Variants in FGF5 observed in about 807,000 individuals in gnomAD.
The protein encoded by FGF5 is fibroblast growth factor 5.
In FGF5, 23 loss-of-function variants were observed where a neutral mutation model predicts 21.8. The observed-to-expected ratio is 1.05, with a 90% CI of 0.76 to 1.49. The LOEUF (loss-of-function observed/expected upper bound fraction) is 1.49. FGF5 is among the 40% of genes most tolerant of loss of function. The pLI is 0.00. For synonymous variants in FGF5, 158 were observed against 124.0 expected (o/e 1.27, Z -1.82); for missense variants, 352 against 332.9 (o/e 1.06, Z -0.45).
At position 80,288,401 on chromosome 4, in the gene FGF5, A is replaced by T. The variant is rs1450546470; in HGVS notation, c.*1729A>T. The T allele has an allele frequency of 1.3e-5, 2 of 152,090 alleles. No individual in the cohort carries two copies. The highest frequency in any genetic ancestry group is 4.8e-5 in the African/African-American group (2 of 41,440). 9.4% of individuals were successfully genotyped at this position (152,090 alleles called of 1,614,324 possible). On this transcript the variant is annotated 3_prime_UTR_variant, in exon 3 of 3. Coordinates refer to ENST00000312465, the MANE Select transcript of FGF5 (RefSeq NM_004464.4). The stretch of plus-strand genomic sequence containing the variant: ...ATACATCAGTATAGTGTTTTATTAT[A>T]AAGCCAATTATCTGATTAAGCATTC...
At chr4:80,273,282 C>T (rs1384408421) in intron 1 of FGF5, among the ~76,000 whole-genome samples, 1 of 151,802 alleles carries the variant, frequency 6.6e-6, no homozygotes, top group Non-Finnish European at 1.5e-5. Flanking sequence ...TGCAGTTTCC[C>T]TAAAGTGTGT....
chr4:80,270,921 C>G (rs1201882055), intron 1 of FGF5, among the ~76,000 whole-genome samples: 1 of 152,174 alleles, frequency 6.6e-6, no homozygotes, highest in Non-Finnish European at 1.5e-5. Flanking sequence ...AAATCAGAAT[C>G]TATATCTACT....
intron 1 of FGF5, among the ~76,000 whole-genome samples, chr4:80,267,628 C>T (rs1251614799): frequency 6.6e-6 from 1 of 152,142 alleles, no homozygotes; most frequent in South Asian, 2.1e-4. Context: ...AGAATCAAAT[C>T]CCAAATACTT....
chr4:80,290,657 T>C lies in FGF5; in HGVS notation c.*3985T>C, dbSNP rs1720876386. 1.3e-5 allele frequency: 2 copies of C among 152,154 alleles called. No individual in the cohort carries two copies. The highest frequency in any genetic ancestry group is 4.8e-5 in the African/African-American group (2 of 41,418). 9.4% of individuals were successfully genotyped at this position (152,154 alleles called of 1,614,324 possible). ...CACCCACCAACCTGTCATCCAGCAT[T>C]AGGTATATCTCCTAATGCTATCCCT... On this transcript the variant is annotated 3_prime_UTR_variant, in exon 3 of 3. Transcript: ENST00000312465.
At chr4:80,276,329 T>C (rs1336097232) in intron 2 of FGF5, among the ~76,000 whole-genome samples, 1 of 152,076 alleles carries the variant, frequency 6.6e-6, no homozygotes, top group Non-Finnish European at 1.5e-5. Flanking sequence ...AAATCACTCA[T>C]TGCAAGAACT....
intron 1 of FGF5, among the ~76,000 whole-genome samples, chr4:80,271,519 C>T (rs1447708784): frequency 6.6e-6 from 1 of 152,080 alleles, no homozygotes; most frequent in Admixed American, 6.6e-5. Flanking sequence ...CTGAGCCACC[C>T]GTCCACCCCG....
chr4:80,268,061 C>T (rs1398966975), intron 1 of FGF5, among the ~76,000 whole-genome samples: 1 of 152,134 alleles, frequency 6.6e-6, no homozygotes, highest in African/African-American at 2.4e-5. Context: ...TTTTTATAAA[C>T]AAAGTTTTAA....
intron 1 of FGF5, chr4:80,268,633 G>A: frequency 2.0e-6 from 1 of 489,996 alleles, no homozygotes; most frequent in Non-Finnish European, 2.7e-6. Flanking sequence ...AAGACCTGAT[G>A]GTTCATGCTG....
intron 2 of FGF5, among the ~76,000 whole-genome samples, chr4:80,278,301 G>A (rs1720470503): frequency 6.6e-6 from 1 of 152,088 alleles, no homozygotes; most frequent in African/African-American, 2.4e-5. Flanking sequence ...AAGACTTATA[G>A]TTAAAATTGT....
At position 80,286,517 on chromosome 4, in the gene FGF5, A is replaced by C. The variant is rs767752536; in HGVS notation, c.652A>C (p.Arg218=). The change falls in exon 3 of 3, where the codon AGA becomes CGA. Residue 218 remains arginine, a synonymous_variant. Transcript: ENST00000312465. ...GCATATCTCTACCCATTTTCTGCCA[A>C]GATTCAAGCAGTCGGAGCAGCCAGA... is the stretch of plus-strand genomic sequence containing the variant. ...PQHISTHFLP[R]FKQSEQPELS... 103 of 1,613,928 alleles carry C rather than the reference A, an allele frequency of 6.4e-5. No homozygotes were observed. In the South Asian group the frequency reaches 1.1e-3, roughly 17 times the overall value.
chr4:80,279,991 A>G (rs1181647284), intron 2 of FGF5, among the ~76,000 whole-genome samples: 1 of 152,146 alleles, frequency 6.6e-6, no homozygotes, highest in Non-Finnish European at 1.5e-5. Flanking sequence ...TCCAGAATGG[A>G]CTTCCTGCGC....
rs1720097686 is a variant in FGF5 at position 80,266,721 on chromosome 4, C to T, written c.-104C>T. 3.0e-6 allele frequency: 3 copies of T among 983,704 alleles called. No homozygotes were observed. The highest frequency in any genetic ancestry group is 2.4e-5 in the East Asian group (1 of 40,922). 60.9% of individuals were successfully genotyped at this position (983,704 alleles called of 1,614,324 possible). On this transcript the variant is annotated 5_prime_UTR_variant, in exon 1 of 3. Coordinates refer to ENST00000312465, the MANE Select transcript of FGF5 (RefSeq NM_004464.4). ...TCTCTTCCCCGAGGCTATGTCCACCCGGTGCGGCGAGGCGGGCAGAGCCAG... is the reference window on the plus strand; with the variant it reads ...TCTCTTCCCCGAGGCTATGTCCACCTGGTGCGGCGAGGCGGGCAGAGCCAG...
intron 2 of FGF5, among the ~76,000 whole-genome samples, chr4:80,279,671 T>G (rs951058775): frequency 6.6e-6 from 1 of 152,198 alleles, no homozygotes; most frequent in Admixed American, 6.5e-5. Context: ...TCCATCTTGA[T>G]TTTTCCCTAA....
At chr4:80,267,641 C>G (rs1293227366) in intron 1 of FGF5, among the ~76,000 whole-genome samples, 1 of 152,106 alleles carries the variant, frequency 6.6e-6, no homozygotes. Context: ...AAATACTTCC[C>G]TCTTCCATCC....
rs1482036018 is a variant in FGF5, at chr4:80,286,933, A to G, written c.*261A>G. On this transcript the variant is annotated 3_prime_UTR_variant, in exon 3 of 3. Coordinates refer to ENST00000312465, the MANE Select transcript of FGF5 (RefSeq NM_004464.4). The stretch of plus-strand genomic sequence containing the variant: ...TTTGCTTTATGCTTGAGGGATATTT[A>G]GAACTTTGTATTTTCGGAAAGTTAA... 8.9e-6 allele frequency: 3 copies of G among 337,806 alleles called. No homozygotes were observed. Among genetic ancestry groups the G allele is most frequent in the Non-Finnish European group, 1.1e-5 (2 of 185,478 alleles). 20.9% of individuals were successfully genotyped at this position (337,806 alleles called of 1,614,324 possible).
At chr4:80,285,842 C>T (rs1379158823) in intron 2 of FGF5, among the ~76,000 whole-genome samples, 3 of 152,094 alleles carry the variant, frequency 2.0e-5, no homozygotes, top group Admixed American at 2.0e-4. Context: ...ACACTGATAA[C>T]ATTGAAAAAA....
At position 80,267,194 on chromosome 4, in the gene FGF5, C is replaced by T; in HGVS notation, c.355+15C>T. On this transcript the variant is annotated intron_variant, in intron 1 of 2. Coordinates refer to ENST00000312465, the MANE Select transcript of FGF5 (RefSeq NM_004464.4). ...CAATATGTTAAGTAAGTTACTCGCT[C>T]TCCTACAAAACCCGTCCTAGGCGGC... 1 of 1,576,730 alleles carries T rather than the reference C, an allele frequency of 6.3e-7. No individual in the cohort carries two copies. Among genetic ancestry groups the T allele is most frequent in the South Asian group, 1.2e-5 (1 of 85,748 alleles).
rs201539600 is a variant in FGF5 at position 80,274,953 on chromosome 4, C to G, written c.400C>G (p.Arg134Gly). Residue 134 changes from arginine to glycine, a missense_variant, in exon 2 of 3, where the codon CGA becomes GGA. Arg to Gly is a moderately radical substitution (Grantham distance 125). Transcript: ENST00000312465. ...TGTGTCTCAGGGGATTGTAGGAATA[C>G]GAGGAGTTTTCAGCAACAAATTTTT... ...FAVSQGIVGI[R>G]GVFSNKFLAM... The G allele has an allele frequency of 6.3e-7, 1 of 1,598,826 alleles. No individual in the cohort carries two copies. Among genetic ancestry groups the G allele is most frequent in the East Asian group, 2.3e-5 (1 of 44,220 alleles).
intron 1 of FGF5, among the ~76,000 whole-genome samples, chr4:80,274,389 T>A (rs1452953823): frequency 6.6e-6 from 1 of 152,092 alleles, no homozygotes; most frequent in East Asian, 1.9e-4. Context: ...AAAGACTGAG[T>A]ATGGTATATG....
Sources: gnomAD v4.1 joint callset for allele counts (sites outside exome capture counted in the v4.1 genomes callset) on GRCh38, gnomAD v4.1.1 for gene constraint, MANE v1.5 for transcripts, NCBI Gene and HGNC (gene_info 2026-07-23, HGNC 2026-07-21) for gene names.